The following DOCK8 variants were observed in gnomAD, a reference collection of about 807,000 sequenced individuals.
DOCK8 encodes dedicator of cytokinesis 8, also known as dedicator of cytokinesis protein 8.
DOCK8 carries 141 observed loss-of-function variants against 245.6 expected under a neutral mutation model. The ratio of observed to expected loss-of-function variants is 0.57; its 90% confidence interval spans 0.50 to 0.66. DOCK8 has a LOEUF of 0.66. DOCK8 is among the 30% of genes least tolerant of loss of function. The pLI, the probability that DOCK8 is intolerant of heterozygous loss-of-function variation, is 0.00. For synonymous variants in DOCK8, 1,168 were observed against 970.2 expected, an observed-to-expected ratio of 1.20 and a Z score of -3.79; for missense variants, 2,965 against 2,603.4, an observed-to-expected ratio of 1.14 and a Z score of -3.02.
intron 38 of DOCK8, 47 bp from the exon 39 acceptor site, chr9:434,736 A>G: frequency 6.3e-7 from 1 of 1,582,052 alleles, no homozygotes; most frequent in Non-Finnish European, 8.7e-7. Context: ...GAACAGTGTC[A>G]TTAACCCACT....
intron 1 of DOCK8, among the ~76,000 whole-genome samples, chr9:263,603 A>G (rs1380245639): frequency 6.6e-6 from 1 of 152,184 alleles, no homozygotes; most frequent in Non-Finnish European, 1.5e-5. Flanking sequence ...CTTCTGCCTC[A>G]AAAACTCTCC....
chr9:220,038 T>C (rs902555076), intron 1 of DOCK8, among the ~76,000 whole-genome samples: 2 of 152,220 alleles, frequency 1.3e-5, no homozygotes, highest in African/African-American at 4.8e-5. Context: ...AATGTATAGA[T>C]GTGTATCTGC....
chr9:230,586 C>T (rs373490409), intron 1 of DOCK8, among the ~76,000 whole-genome samples: 60 of 152,012 alleles, frequency 3.9e-4, no homozygotes, highest in African/African-American at 9.9e-4. Context: ...TTTTAATGAT[C>T]GCCATTCTAA....
In DOCK8 at chr9:311,917, C is replaced by T. The variant is rs75207870; in HGVS notation, c.529-37C>T. 7.5e-5 allele frequency: 120 copies of T among 1,607,982 alleles called. No homozygotes were observed. The African/African-American group carries it at 1.1e-3, about 15-fold the overall frequency. Reference sequence around the variant, plus strand: ...TCTTCGGTTCTCATTTTAGACTTGCCGTCTCTCTCACAAAGACCCACTGTT... The same window carrying T: ...TCTTCGGTTCTCATTTTAGACTTGCTGTCTCTCTCACAAAGACCCACTGTT... On this transcript the variant is annotated intron_variant, in intron 5 of 47. Coordinates refer to ENST00000432829, the MANE Select transcript of DOCK8 (RefSeq NM_203447.4).
intron 27 of DOCK8, 56 bp downstream of exon 27, chr9:405,129 C>A: frequency 1.3e-6 from 2 of 1,509,930 alleles, no homozygotes; most frequent in Non-Finnish European, 1.8e-6. Context: ...ATTTAACTAG[C>A]TCAGTTTAAT....
intron 1 of DOCK8, among the ~76,000 whole-genome samples, chr9:247,176 A>G (rs1487960073): frequency 6.6e-6 from 1 of 152,214 alleles, no homozygotes; most frequent in East Asian, 1.9e-4. Context: ...AGTTCTACAT[A>G]AATTGTTATT....
rs547902626 is a variant in DOCK8 at position 448,177 on chromosome 9, C to G, written c.5817+1571C>G. On this transcript the variant is annotated intron_variant, in intron 44 of 47. Coordinates refer to ENST00000432829, the MANE Select transcript of DOCK8 (RefSeq NM_203447.4). ...GCATGAACATGGCTCACTGCAGCCT[C>G]GACCTCCTGGGCTCGAGCAATTTTC... Among the ~76,000 whole-genome samples the G allele has an allele frequency of 3.3e-5, 5 of 152,258 alleles. No individual in the cohort carries two copies. The South Asian group carries it at 8.3e-4, about 25-fold the overall frequency.
intron 37 of DOCK8, among the ~76,000 whole-genome samples, chr9:433,098 CTT>C (rs1449602837): frequency 3.9e-5 from 6 of 152,238 alleles, no homozygotes; most frequent in Non-Finnish European, 7.3e-5. Context: ...TTCTCAGAAT[CTT>C]TTTCCTCTCC....
intron 18 of DOCK8, among the ~76,000 whole-genome samples, chr9:374,589 G>A (rs1404407090): frequency 1.3e-5 from 2 of 148,640 alleles, no homozygotes; most frequent in Middle Eastern, 3.5e-3. Context: ...GGCCTCCTTA[G>A]TAGCTGGGAC....
chr9:337,651 T>C (rs923360589), intron 12 of DOCK8, among the ~76,000 whole-genome samples: 1 of 152,142 alleles, frequency 6.6e-6, no homozygotes, highest in Non-Finnish European at 1.5e-5. Flanking sequence ...ACATCAAGAC[T>C]ATTTAAAAAA....
intron 23 of DOCK8, among the ~76,000 whole-genome samples, chr9:389,899 C>G (rs894132605): frequency 2.0e-5 from 3 of 152,022 alleles, no homozygotes; most frequent in Non-Finnish European, 4.4e-5. Flanking sequence ...GTGGTGCACG[C>G]CTTTAGTCCC....
intron 26 of DOCK8, among the ~76,000 whole-genome samples, chr9:403,976 G>C (rs527996650): frequency 2.7e-4 from 18 of 66,866 alleles, no homozygotes; most frequent in East Asian, 8.9e-4. Context: ...ATATATATAT[G>C]TGTATATATA....
intron 1 of DOCK8, among the ~76,000 whole-genome samples, chr9:224,482 T>C (rs1301581979): frequency 1.3e-5 from 2 of 152,192 alleles, no homozygotes; most frequent in Non-Finnish European, 2.9e-5. Flanking sequence ...GGCCTTCGTA[T>C]GGCTGAATGG....
intron 46 of DOCK8, 24 bp downstream of exon 46, chr9:452,141 T>C (rs1175606030): frequency 6.7e-7 from 1 of 1,490,636 alleles, no homozygotes; most frequent in Non-Finnish European, 9.3e-7. Context: ...TGGCTGGGAA[T>C]TTCAGTAGAG....
At chr9:449,204 T>C (rs2057355685) in intron 44 of DOCK8, among the ~76,000 whole-genome samples, 1 of 151,878 alleles carries the variant, frequency 6.6e-6, no homozygotes, top group Non-Finnish European at 1.5e-5. Context: ...TACAAAATTA[T>C]CTGGGTGTGG....
chr9:302,269 A>G (rs2049588632), intron 4 of DOCK8, among the ~76,000 whole-genome samples: 1 of 152,250 alleles, frequency 6.6e-6, no homozygotes, highest in Non-Finnish European at 1.5e-5. Flanking sequence ...TATTCAATAA[A>G]TGGTGCTGGA....
At chr9:395,926 TTCTG>T (rs756363544) in intron 24 of DOCK8, among the ~76,000 whole-genome samples, 3 of 152,200 alleles carry the variant, frequency 2.0e-5, no homozygotes, top group Non-Finnish European at 4.4e-5. Flanking sequence ...ATAAATATCT[TTCTG>T]TCAGTTGACG....
At chr9:409,186 C>T (rs573626339) in intron 28 of DOCK8, among the ~76,000 whole-genome samples, 2 of 152,036 alleles carry the variant, frequency 1.3e-5, no homozygotes, top group South Asian at 2.1e-4. Flanking sequence ...GCCAGAAGGA[C>T]GCATCTCAGT....
intron 14 of DOCK8, among the ~76,000 whole-genome samples, chr9:343,746 A>C (rs1009795840): frequency 1.3e-5 from 2 of 152,220 alleles, no homozygotes; most frequent in South Asian, 4.1e-4. Flanking sequence ...AGATGAAGGC[A>C]TGAAAATGTT....
Sources: gnomAD v4.1 joint callset for allele counts (sites outside exome capture counted in the v4.1 genomes callset) on GRCh38, gnomAD v4.1.1 for gene constraint, MANE v1.5 for transcripts, NCBI Gene and HGNC (gene_info 2026-07-23, HGNC 2026-07-21) for gene names.